SPAG9: variants seen among roughly 807,000 people sequenced by gnomAD.
The protein encoded by SPAG9 is sperm associated antigen 9.
SPAG9 carries 35 observed loss-of-function variants against 166.5 expected under a neutral mutation model. That is an observed-to-expected ratio of 0.21 (90% confidence interval 0.16 to 0.28). SPAG9 has a LOEUF of 0.28. Among genes scored for constraint, SPAG9 ranks in the 10% least tolerant of loss-of-function variants. The probability of loss-of-function intolerance (pLI) is 1.00; values close to 1 mark genes in which losing one functional copy is unlikely to be tolerated. For missense variants in SPAG9, 1,235 were observed against 1,603.3 expected (o/e 0.77, Z 3.92); for synonymous variants, 534 against 565.5 (o/e 0.94, Z 0.79).
intron 8 of SPAG9, among the ~76,000 whole-genome samples, chr17:51,019,461 G>A (rs893319107): frequency 6.6e-6 from 1 of 152,150 alleles, no homozygotes. Flanking sequence ...GGAAGCTGAG[G>A]CAGGAGAATC....
At chr17:51,040,050 C>T (rs532354176) in intron 5 of SPAG9, among the ~76,000 whole-genome samples, 2 of 152,026 alleles carry the variant, frequency 1.3e-5, no homozygotes, top group African/African-American at 4.8e-5. Flanking sequence ...GCCTGACCAA[C>T]ATGGTGAAAC....
chr17:51,021,387 A>G, intron 6 of SPAG9, 22 bp from the exon 7 acceptor site: 2 of 1,559,176 alleles, frequency 1.3e-6, no homozygotes, highest in Non-Finnish European at 1.7e-6. Flanking sequence ...AATAATTTAA[A>G]ATAAAATTTT....
intron 8 of SPAG9, among the ~76,000 whole-genome samples, chr17:51,018,702 G>C (rs2045806809): frequency 6.6e-6 from 1 of 152,128 alleles, no homozygotes; most frequent in South Asian, 2.1e-4. Flanking sequence ...AATCTTGTGA[G>C]TAACAAGCCC....
At position 50,970,643 on chromosome 17, in the gene SPAG9, C is replaced by CT. The variant is rs1410950268; in HGVS notation, c.3850+63dup. On this transcript the variant is annotated intron_variant, in intron 29 of 29. Transcript: ENST00000262013. ...CATTATCAGAGTGGTTTCTTATTTA[C>CT]TTTGGGACAAAACCCAAGTCATAGC... 8.8e-5 allele frequency: 116 copies of CT among 1,322,360 alleles called. No individual in the cohort carries two copies. The East Asian group carries it at 3.2e-3, about 37-fold the overall frequency. The allele number at this position is 1,322,360 out of a possible 1,614,324, so 81.9% of individuals were successfully genotyped here. A position where few individuals can be genotyped will look rare whatever the true frequency, so the allele number is the denominator to read the frequency against.
intron 14 of SPAG9, among the ~76,000 whole-genome samples, chr17:50,998,878 G>A (rs1055173967): frequency 2.6e-5 from 4 of 152,176 alleles, no homozygotes; most frequent in Non-Finnish European, 1.5e-5. Context: ...ATGAAAGCAA[G>A]AAGCTCTTAA....
intron 5 of SPAG9, among the ~76,000 whole-genome samples, chr17:51,034,083 A>C (rs1017945811): frequency 6.6e-6 from 1 of 152,186 alleles, no homozygotes; most frequent in African/African-American, 2.4e-5. Context: ...GTGGTTCCTA[A>C]AGTTATCACA....
chr17:51,083,584 A>AT (rs2048230175), intron 1 of SPAG9, among the ~76,000 whole-genome samples: 1 of 95,436 alleles, frequency 1.0e-5, no homozygotes, highest in African/African-American at 3.8e-5. Flanking sequence ...TATTTATTTA[A>AT]GATGTAGGTC....
chr17:51,062,888 C>A (rs72826432), intron 2 of SPAG9, among the ~76,000 whole-genome samples: 6,707 of 152,254 alleles, frequency 0.044, 196 homozygotes, highest in Non-Finnish European at 0.069. Flanking sequence ...CCACACACAA[C>A]CTACTCCACG....
intron 1 of SPAG9, among the ~76,000 whole-genome samples, chr17:51,092,751 C>CAAAAAAAA (rs200338786): frequency 1.7e-4 from 9 of 53,592 alleles, no homozygotes; most frequent in East Asian, 3.5e-4. Flanking sequence ...CTTGTCTCTA[C>CAAAAAAAA]AAAAAAAAAA....
At chr17:51,004,383 T>C (rs903406708) in intron 12 of SPAG9, among the ~76,000 whole-genome samples, 9 of 152,216 alleles carry the variant, frequency 5.9e-5, no homozygotes, top group African/African-American at 2.2e-4. Flanking sequence ...CAAGTGATCA[T>C]TCTGTCCAAA....
chr17:50,989,712 C>A lies in SPAG9; in HGVS notation c.2778G>T (p.Gln926His). The A allele has an allele frequency of 1.9e-6, 3 of 1,614,170 alleles. No homozygotes were observed. Among genetic ancestry groups the A allele is most frequent in the Non-Finnish European group, 2.5e-6 (3 of 1,180,024 alleles). The change falls in exon 21 of 30, where the codon CAG (glutamine) becomes CAT (histidine). Residue 926 changes from glutamine to histidine, a missense_variant. Gln to His is a conservative substitution (Grantham distance 24, BLOSUM62 0). This residue lies in a region of SPAG9 where 493 missense variants were observed against 559.4 expected (regional missense o/e 0.88). Transcript: ENST00000262013. ...ACACTGGGGAGAGGTCTTCTGGGAT[C>A]TGAACTCCCAAAGGATCTGTAAAGA... ...EHVFTDPLGV[Q>H]IPEDLSPVYQ... is the part of the protein sequence containing the mutation.
At chr17:51,014,529 CCATG>C in intron 8 of SPAG9, 176 bp from the exon 9 acceptor site, 1 of 507,276 alleles carries the variant, frequency 2.0e-6, no homozygotes, top group East Asian at 3.2e-5. Flanking sequence ...TCACTAAGCT[CCATG>C]GAAATAGCTG....
chr17:51,025,469 TA>T (rs11339659), intron 6 of SPAG9, among the ~76,000 whole-genome samples: 61,285 of 144,822 alleles, frequency 0.42, 12,852 homozygotes, highest in Non-Finnish European at 0.48. Context: ...CAGTATTAAT[TA>T]AAAAAAAAAA....
chr17:51,012,507 T>C (rs565660172), intron 9 of SPAG9, among the ~76,000 whole-genome samples: 121 of 151,566 alleles, frequency 8.0e-4, no homozygotes, highest in Non-Finnish European at 1.6e-3. Flanking sequence ...GAGGCAGAGG[T>C]TGTGGTGAGC....
chr17:51,009,581 C>G (rs1207333160), intron 9 of SPAG9, among the ~76,000 whole-genome samples: 1 of 152,098 alleles, frequency 6.6e-6, no homozygotes, highest in Non-Finnish European at 1.5e-5. Flanking sequence ...TCAGTCTGTC[C>G]CACTATAATA....
At position 50,996,553 on chromosome 17, in the gene SPAG9, T is replaced by C. The variant is rs369000223; in HGVS notation, c.1968+12A>G. 8.1e-6 allele frequency: 13 copies of C among 1,613,942 alleles called. No individual in the cohort carries two copies. The South Asian group carries it at 9.9e-5, about 12-fold the overall frequency. On this transcript the variant is annotated intron_variant, in intron 16 of 29. Coordinates refer to ENST00000262013, the MANE Select transcript of SPAG9 (RefSeq NM_001130528.3). ...TTTCCTGCTGGATGCTCTTACCACA[T>C]GTGCATATTACCTGTTTGTACTTCT...
At chr17:51,024,521 T>C (rs1018721841) in intron 6 of SPAG9, among the ~76,000 whole-genome samples, 5 of 150,610 alleles carry the variant, frequency 3.3e-5, no homozygotes, top group African/African-American at 1.2e-4. Flanking sequence ...AGGTCAAGAG[T>C]TCGAGACAAG....
intron 29 of SPAG9, among the ~76,000 whole-genome samples, chr17:50,968,583 T>C (rs1364311784): frequency 6.6e-6 from 1 of 151,678 alleles, no homozygotes; most frequent in African/African-American, 2.4e-5. Flanking sequence ...ATACAAAAAT[T>C]AACCAGGCGT....
intron 1 of SPAG9, among the ~76,000 whole-genome samples, chr17:51,080,515 T>C (rs948524619): frequency 3.9e-5 from 6 of 152,184 alleles, no homozygotes; most frequent in Non-Finnish European, 5.9e-5. Context: ...TCTGAATTTC[T>C]ATCTCTAGCC....
Sources: allele counts gnomAD v4.1 joint callset (sites outside exome capture counted in the v4.1 genomes callset), GRCh38; gene constraint gnomAD v4.1.1; regional missense constraint gnomAD v4.1.1; transcripts MANE v1.5; gene names NCBI Gene and HGNC (gene_info 2026-07-23, HGNC 2026-07-21).